The following PRKAG2 variants were observed in gnomAD, a reference collection of about 807,000 sequenced individuals.
The protein encoded by PRKAG2 is 5'-AMP-activated protein kinase subunit gamma-2.
PRKAG2 carries 26 observed loss-of-function variants against 69.6 expected under a neutral mutation model. That is an observed-to-expected ratio of 0.37 (90% CI 0.27 to 0.52). PRKAG2 has a LOEUF of 0.52. PRKAG2 is among the 20% of genes least tolerant of loss of function. The pLI, the probability that PRKAG2 is intolerant of heterozygous loss-of-function variation, is 0.90. For missense variants in PRKAG2, 557 were observed against 740.0 expected (o/e 0.75, Z 2.87); for synonymous variants, 293 against 285.0 (o/e 1.03, Z -0.28).
chr7:151,765,912 C>T (rs1347799923), intron 3 of PRKAG2, among the ~76,000 whole-genome samples: 2 of 152,192 alleles, frequency 1.3e-5, no homozygotes, highest in East Asian at 3.8e-4. Context: ...CACTCCTGAC[C>T]CACTAACCTG....
intron 1 of PRKAG2, among the ~76,000 whole-genome samples, chr7:151,796,550 TG>T (rs1453004796): frequency 6.6e-6 from 1 of 152,194 alleles, no homozygotes; most frequent in Non-Finnish European, 1.5e-5. Flanking sequence ...CTTCGCACGC[TG>T]GGTAACAGTC....
intron 1 of PRKAG2, among the ~76,000 whole-genome samples, chr7:151,866,696 C>T (rs995271917): frequency 6.6e-6 from 1 of 152,082 alleles, no homozygotes; most frequent in African/African-American, 2.4e-5. Flanking sequence ...TGCTTCAAGC[C>T]CACCACCCCA....
chr7:151,747,881 G>A (rs1306617159), intron 3 of PRKAG2, among the ~76,000 whole-genome samples: 1 of 151,566 alleles, frequency 6.6e-6, no homozygotes, highest in Admixed American at 6.6e-5. Flanking sequence ...GGGCTAAGGG[G>A]GTGAAAATCA....
chr7:151,789,708 C>T (rs1238839341), intron 1 of PRKAG2, among the ~76,000 whole-genome samples: 1 of 152,240 alleles, frequency 6.6e-6, no homozygotes, highest in Non-Finnish European at 1.5e-5. Flanking sequence ...GCCCTGGCTG[C>T]ACACTGACAT....
At chr7:151,676,468 AG>A (rs141526695) in intron 3 of PRKAG2, among the ~76,000 whole-genome samples, 1,703 of 152,140 alleles carry the variant, frequency 0.011, 30 homozygotes, top group African/African-American at 0.039. Flanking sequence ...AAATAATGGG[AG>A]GGGCAACGGT....
chr7:151,675,884 C>G (rs570370859), intron 3 of PRKAG2, among the ~76,000 whole-genome samples: 86 of 151,758 alleles, frequency 5.7e-4, no homozygotes, highest in African/African-American at 2.0e-3. Flanking sequence ...TGGCAAGAAG[C>G]CAAATTATTC....
rs1427499289 is a variant in PRKAG2, at chr7:151,824,964, A to T, written c.115-38423T>A. 3.3e-5 allele frequency among the ~76,000 whole-genome samples: 5 copies of T among 152,226 alleles called. No homozygotes were observed. In the East Asian group the frequency reaches 9.6e-4, roughly 29 times the overall value. On this transcript the variant is annotated intron_variant, in intron 1 of 15. Transcript: ENST00000287878. ...CACGGTGGCTCATGCCTGCAGCCCT[A>T]GCACTTCGGGAGACTGAGGCGGGCG...
chr7:151,587,200 T>C (rs921946484), intron 6 of PRKAG2, among the ~76,000 whole-genome samples: 3 of 152,220 alleles, frequency 2.0e-5, no homozygotes, highest in Non-Finnish European at 4.4e-5. Flanking sequence ...TGTTTTTTTG[T>C]TGGCATTATT....
chr7:151,750,207 C>T (rs2074574098), intron 3 of PRKAG2, among the ~76,000 whole-genome samples: 1 of 152,000 alleles, frequency 6.6e-6, no homozygotes, highest in Non-Finnish European at 1.5e-5. Flanking sequence ...GAAAACATTC[C>T]TCAACAAGTT....
intron 3 of PRKAG2, among the ~76,000 whole-genome samples, chr7:151,688,042 G>GACCCCCCCCC (rs1835013391): frequency 9.3e-6 from 1 of 106,982 alleles, no homozygotes; most frequent in Non-Finnish European, 2.0e-5. Context: ...AGGAAATGAG[G>GACCCCCCCCC]CCCCCCCCCG....
At chr7:151,743,193 G>T (rs1436288833) in intron 3 of PRKAG2, among the ~76,000 whole-genome samples, 1 of 152,200 alleles carries the variant, frequency 6.6e-6, no homozygotes, top group Non-Finnish European at 1.5e-5. Flanking sequence ...GGAAAGAATG[G>T]CTCCCAAATA....
At chr7:151,819,529 T>A (rs1586663925) in intron 1 of PRKAG2, among the ~76,000 whole-genome samples, 1 of 152,184 alleles carries the variant, frequency 6.6e-6, no homozygotes, top group South Asian at 2.1e-4. Flanking sequence ...TTCGCCCCCC[T>A]GCCCCTCCCT....
chr7:151,577,342 T>C (rs575615370), intron 6 of PRKAG2, among the ~76,000 whole-genome samples: 111 of 152,232 alleles, frequency 7.3e-4, no homozygotes, highest in Non-Finnish European at 1.3e-3. Context: ...GGTATCATAC[T>C]TGAAGATTTA....
chr7:151,772,521 A>T (rs1322320782), intron 3 of PRKAG2, among the ~76,000 whole-genome samples: 1 of 152,248 alleles, frequency 6.6e-6, no homozygotes, highest in Non-Finnish European at 1.5e-5. Flanking sequence ...CTGAGAATCA[A>T]GCCTGCAAAC....
intron 4 of PRKAG2, among the ~76,000 whole-genome samples, chr7:151,665,140 G>GCACC: frequency 6.6e-6 from 1 of 152,228 alleles, no homozygotes; most frequent in South Asian, 2.1e-4. Flanking sequence ...TCTACAGGAT[G>GCACC]CACCCCCTTT....
intron 3 of PRKAG2, among the ~76,000 whole-genome samples, chr7:151,775,254 G>T (rs193043064): frequency 6.6e-6 from 1 of 152,124 alleles, no homozygotes; most frequent in Admixed American, 6.5e-5. Context: ...TTTCTCCTGC[G>T]TGATCCTACC....
intron 5 of PRKAG2, among the ~76,000 whole-genome samples, chr7:151,615,717 A>G (rs1037427785): frequency 1.3e-5 from 2 of 152,230 alleles, no homozygotes; most frequent in Non-Finnish European, 2.9e-5. Flanking sequence ...CAAATTGACA[A>G]GAAAAAATCA....
chr7:151,715,403 A>C (rs1471213461), intron 3 of PRKAG2, among the ~76,000 whole-genome samples: 2 of 149,064 alleles, frequency 1.3e-5, no homozygotes, highest in African/African-American at 5.0e-5. Context: ...GCTGGAGTGC[A>C]GTGGCACAAT....
At chr7:151,681,537 T>C (rs771724162) in intron 3 of PRKAG2, among the ~76,000 whole-genome samples, 2 of 152,148 alleles carry the variant, frequency 1.3e-5, no homozygotes, top group Admixed American at 6.5e-5. Context: ...TGTTGACTGA[T>C]ACCCGAAATG....
Sources: gnomAD v4.1 joint callset for allele counts (sites outside exome capture counted in the v4.1 genomes callset) on GRCh38, gnomAD v4.1.1 for gene constraint, MANE v1.5 for transcripts, NCBI Gene and HGNC (gene_info 2026-07-23, HGNC 2026-07-21) for gene names.